The following BCKDHB variants were observed in gnomAD, a reference collection of about 807,000 sequenced individuals.
BCKDHB encodes branched chain keto acid dehydrogenase E1 subunit beta.
In BCKDHB, 41 loss-of-function variants were observed where a neutral mutation model predicts 48.5. The observed-to-expected ratio is 0.85, with a 90% confidence interval of 0.66 to 1.10. The LOEUF is 1.10. Ranked by LOEUF, BCKDHB falls within the 50% of genes least tolerant of loss-of-function variation. BCKDHB has a pLI of 0.00. For synonymous variants in BCKDHB, 201 were observed against 174.8 expected, an observed-to-expected ratio of 1.15 and a Z score of -1.18; for missense variants, 496 against 494.2, an observed-to-expected ratio of 1.00 and a Z score of -0.03.
chr6:80,209,304 C>A (rs1441025620), intron 8 of BCKDHB, among the ~76,000 whole-genome samples: 3 of 151,728 alleles, frequency 2.0e-5, no homozygotes, highest in Non-Finnish European at 2.9e-5. Context: ...CACAGAAAAT[C>A]ACAGAATATT....
intron 3 of BCKDHB, among the ~76,000 whole-genome samples, chr6:80,133,041 A>T (rs977809820): frequency 6.6e-6 from 1 of 152,224 alleles, no homozygotes; most frequent in Non-Finnish European, 1.5e-5. Context: ...GTCACACTGC[A>T]TTAAATGACA....
At chr6:80,280,377 G>A (rs1049103632) in intron 9 of BCKDHB, among the ~76,000 whole-genome samples, 5 of 152,174 alleles carry the variant, frequency 3.3e-5, no homozygotes, top group Non-Finnish European at 5.9e-5. Flanking sequence ...AAACTCCTAG[G>A]TAGTTGTGTA....
chr6:80,243,352 T>C (rs1351615957), intron 8 of BCKDHB, among the ~76,000 whole-genome samples: 1 of 152,182 alleles, frequency 6.6e-6, no homozygotes, highest in Admixed American at 6.5e-5. Flanking sequence ...GGGAGCCCTA[T>C]GGTTCCTGAC....
At chr6:80,107,932 AC>A (rs1205782990) in intron 1 of BCKDHB, among the ~76,000 whole-genome samples, 1 of 152,086 alleles carries the variant, frequency 6.6e-6, no homozygotes, top group Non-Finnish European at 1.5e-5. Flanking sequence ...TTGTCTAATA[AC>A]TTCTCATGTG....
chr6:80,124,768 T>G (rs1770251206), intron 1 of BCKDHB, among the ~76,000 whole-genome samples: 1 of 152,164 alleles, frequency 6.6e-6, no homozygotes, highest in South Asian at 2.1e-4. Flanking sequence ...TTTTTTTTCC[T>G]GAGCAGTAGG....
chr6:80,106,737 G>T lies in BCKDHB; in HGVS notation c.44G>T (p.Arg15Met). ...AAAAGWLLRL[R>M]AAGAEGHWRR... ...GCTGCCGGCTGGCTACTCAGGCTCA[G>T]GGCGGCAGGGGCTGAGGGGCACTGG... Residue 15 changes from arginine to methionine, a missense_variant, in exon 1 of 10, where the codon AGG (arginine) becomes ATG (methionine). Transcript: ENST00000320393. The T allele has an allele frequency of 6.4e-7, 1 of 1,563,396 alleles. No homozygotes were observed. Among genetic ancestry groups the T allele is most frequent in the Non-Finnish European group, 8.7e-7 (1 of 1,155,104 alleles).
chr6:80,146,904 G>A (rs1304036873), intron 3 of BCKDHB, among the ~76,000 whole-genome samples: 1 of 152,132 alleles, frequency 6.6e-6, no homozygotes, highest in Non-Finnish European at 1.5e-5. Context: ...GTTCTGTGTG[G>A]ACATGTGCTC....
chr6:80,297,479 T>C (rs1314046898), intron 9 of BCKDHB, among the ~76,000 whole-genome samples: 1 of 152,140 alleles, frequency 6.6e-6, no homozygotes, highest in African/African-American at 2.4e-5. Flanking sequence ...TACAAATACA[T>C]AGAGAGACAG....
Position 80,171,335 on chromosome 6 carries a change from A to G in BCKDHB, c.687A>G (p.Ile229Met). The change falls in exon 6 of 10, where the codon ATA (isoleucine) becomes ATG (methionine). Residue 229 changes from isoleucine (I) to methionine (M), a missense_variant. Ile to Met is a conservative substitution (Grantham distance 10). Coordinates refer to ENST00000320393, the MANE Select transcript of BCKDHB (RefSeq NM_183050.4). ...FQAKGLLLSC[I>M]EDKNPCIFFE... ...CCAAAGGACTTCTTTTGTCATGCAT[A>G]GAGGATAAAAATCCTTGTATATTTT... is the stretch of plus-strand genomic sequence containing the variant. 6.2e-7 allele frequency: 1 copy of G among 1,608,884 alleles called. No individual in the cohort carries two copies. Among genetic ancestry groups the G allele is most frequent in the Admixed American group, 1.7e-5 (1 of 59,846 alleles).
At chr6:80,161,532 T>C (rs1772318054) in intron 3 of BCKDHB, among the ~76,000 whole-genome samples, 4 of 152,190 alleles carry the variant, frequency 2.6e-5, no homozygotes, top group Non-Finnish European at 5.9e-5. Context: ...GCTGTCAGTG[T>C]GCCGGGTAAG....
At chr6:80,157,593 G>A (rs1391655760) in intron 3 of BCKDHB, among the ~76,000 whole-genome samples, 2 of 149,908 alleles carry the variant, frequency 1.3e-5, no homozygotes, top group Admixed American at 6.7e-5. Flanking sequence ...AGCCTCCGAA[G>A]TAGCTGGGAT....
chr6:80,171,906 AC>A (rs982789966), intron 6 of BCKDHB, among the ~76,000 whole-genome samples: 1 of 152,140 alleles, frequency 6.6e-6, no homozygotes, highest in African/African-American at 2.4e-5. Flanking sequence ...TTATAAACAT[AC>A]ATCTGTGACT....
chr6:80,381,086 T>C, the BCKDHB span, among the ~76,000 whole-genome samples: 1 of 152,030 alleles, frequency 6.6e-6, no homozygotes, highest in African/African-American at 2.4e-5. Context: ...TATAAAATGA[T>C]CTGGTATTAT....
chr6:80,257,601 C>T (rs1202568893), intron 8 of BCKDHB, among the ~76,000 whole-genome samples: 4 of 151,846 alleles, frequency 2.6e-5, no homozygotes, highest in African/African-American at 9.7e-5. Flanking sequence ...ATGTGCTTAT[C>T]GAGGCTGAGA....
At chr6:80,338,344 T>A (rs754716963) in intron 9 of BCKDHB, among the ~76,000 whole-genome samples, 3 of 152,208 alleles carry the variant, frequency 2.0e-5, no homozygotes, top group Non-Finnish European at 4.4e-5. Context: ...GCCACTTTTC[T>A]ATAGTGGGAA....
chr6:80,456,909 G>A, the BCKDHB span, among the ~76,000 whole-genome samples: 1 of 152,284 alleles, frequency 6.6e-6, no homozygotes, highest in African/African-American at 2.4e-5. Context: ...CCTTCTCATG[G>A]AGGAAAATAT....
rs935463452 is a variant in BCKDHB, at chr6:80,108,240, G to C, written c.196+1351G>C. ...TAAACAATGTACTAAGATGCGTGTA[G>C]ATATAATTTACTTGGAGGGCGTCCC... On this transcript the variant is annotated intron_variant, in intron 1 of 9. Coordinates refer to ENST00000320393, the MANE Select transcript of BCKDHB (RefSeq NM_183050.4). Among the ~76,000 whole-genome samples, 8 of 151,158 alleles carry C rather than the reference G, an allele frequency of 5.3e-5. No individual in the cohort carries two copies. In the South Asian group the frequency reaches 1.5e-3, roughly 28 times the overall value.
At chr6:80,272,763 T>TA (rs954532383) in intron 8 of BCKDHB, among the ~76,000 whole-genome samples, 4 of 151,964 alleles carry the variant, frequency 2.6e-5, no homozygotes, top group African/African-American at 9.7e-5. Context: ...AACAAATGAA[T>TA]AAAAAAAACT....
chr6:80,420,227 T>G, the BCKDHB span, among the ~76,000 whole-genome samples: 1 of 152,320 alleles, frequency 6.6e-6, no homozygotes, highest in African/African-American at 2.4e-5. Flanking sequence ...TGATTCTTCT[T>G]GTTCCTTGAA....
Sources: gnomAD v4.1 joint callset for allele counts (sites outside exome capture counted in the v4.1 genomes callset) on GRCh38, gnomAD v4.1.1 for gene constraint, MANE v1.5 for transcripts, NCBI Gene and HGNC (gene_info 2026-07-23, HGNC 2026-07-21) for gene names.